FAF1: variants seen among roughly 807,000 people sequenced by gnomAD.
FAF1 encodes the protein FAS-associated factor 1.
In FAF1, 25 loss-of-function variants were observed where a neutral mutation model predicts 92.5. That is an observed-to-expected ratio of 0.27 (90% CI 0.20 to 0.38). FAF1 has a LOEUF of 0.38. Among genes scored for constraint, FAF1 ranks in the 10% least tolerant of loss-of-function variants. The pLI, the probability that FAF1 is intolerant of heterozygous loss-of-function variation, is 1.00. For synonymous variants in FAF1, 234 were observed against 273.2 expected, an observed-to-expected ratio of 0.86 and a Z score of 1.42; for missense variants, 636 against 793.3, an observed-to-expected ratio of 0.80 and a Z score of 2.38.
At chr1:50,700,340 T>C (rs572627760) in intron 7 of FAF1, among the ~76,000 whole-genome samples, 4 of 151,980 alleles carry the variant, frequency 2.6e-5, no homozygotes, top group Non-Finnish European at 4.4e-5. Flanking sequence ...CTCAAATCAT[T>C]TGGAGTCGAA....
chr1:50,884,372 T>C (rs969101074), intron 1 of FAF1, among the ~76,000 whole-genome samples: 17 of 146,036 alleles, frequency 1.2e-4, no homozygotes, highest in African/African-American at 4.3e-4. Flanking sequence ...AAAAAAAAAA[T>C]ACAAAATTAG....
intron 3 of FAF1, among the ~76,000 whole-genome samples, chr1:50,797,489 C>T (rs1661806148): frequency 6.6e-6 from 1 of 151,944 alleles, no homozygotes; most frequent in Non-Finnish European, 1.5e-5. Flanking sequence ...TGGCTTGAAC[C>T]CAGTAGTCTA....
At chr1:50,514,345 C>T (rs1196277323) in intron 15 of FAF1, among the ~76,000 whole-genome samples, 1 of 152,186 alleles carries the variant, frequency 6.6e-6, no homozygotes, top group Non-Finnish European at 1.5e-5. Context: ...CATACATCTG[C>T]ATTATAAGTT....
At chr1:50,760,550 A>G (rs1557514598) in intron 4 of FAF1, among the ~76,000 whole-genome samples, 1 of 152,240 alleles carries the variant, frequency 6.6e-6, no homozygotes, top group African/African-American at 2.4e-5. Flanking sequence ...AAACTGCTCA[A>G]CTACATGGAA....
At chr1:50,761,039 A>G (rs1282350817) in intron 4 of FAF1, among the ~76,000 whole-genome samples, 1 of 152,242 alleles carries the variant, frequency 6.6e-6, no homozygotes, top group Non-Finnish European at 1.5e-5. Context: ...ATAAACTACC[A>G]TCAGAGAATA....
Position 50,596,225 on chromosome 1 carries a change from A to T in FAF1, c.745-9T>A. On this transcript the variant is annotated splice_polypyrimidine_tract_variant and intron_variant, in intron 8 of 18. Transcript: ENST00000396153. ...GATTCAGCAAGACACATCTGCAAAA[A>T]GTAGAATCCATCATTTGTAAACAAA... 6.3e-7 allele frequency: 1 copy of T among 1,592,640 alleles called. No homozygotes were observed. Among genetic ancestry groups the T allele is most frequent in the Non-Finnish European group, 8.6e-7 (1 of 1,163,078 alleles).
At chr1:50,883,320 CA>C in intron 1 of FAF1, among the ~76,000 whole-genome samples, 2 of 152,092 alleles carry the variant, frequency 1.3e-5, no homozygotes, top group East Asian at 3.9e-4. Flanking sequence ...TTTTTATTTG[CA>C]AAATGCTAAA....
intron 1 of FAF1, among the ~76,000 whole-genome samples, chr1:50,953,089 T>C (rs546581792): frequency 2.0e-5 from 3 of 152,336 alleles, no homozygotes; most frequent in Admixed American, 2.0e-4. Context: ...ATCTATAACC[T>C]TACCCCCAAT....
intron 1 of FAF1, among the ~76,000 whole-genome samples, chr1:50,887,810 A>T (rs910415246): frequency 1.3e-5 from 2 of 152,156 alleles, no homozygotes; most frequent in Non-Finnish European, 2.9e-5. Flanking sequence ...GTCAGGTAAC[A>T]TGATGCCTCC....
At chr1:50,724,290 C>CACACACACACAT (rs1553132392) in intron 6 of FAF1, among the ~76,000 whole-genome samples, 3 of 106,124 alleles carry the variant, frequency 2.8e-5, no homozygotes, top group African/African-American at 4.1e-5. Context: ...CACACACACA[C>CACACACACACAT]ACACATACAC....
rs1164033966 is a variant in FAF1, at chr1:50,440,799, C to G, written c.*641G>C. 6.6e-6 allele frequency: 1 copy of G among 152,186 alleles called. No homozygotes were observed. The highest frequency in any genetic ancestry group is 1.9e-4 in the East Asian group (1 of 5,196). The allele number at this position is 152,186 out of a possible 1,614,324, so 9.4% of individuals were successfully genotyped here. Reference sequence around the variant, plus strand: ...CTATGCTGCAATGGAACAGCAAATACCTCCTAGGTAGAACCTGGAGACCCA... The same window carrying G: ...CTATGCTGCAATGGAACAGCAAATAGCTCCTAGGTAGAACCTGGAGACCCA... On this transcript the variant is annotated 3_prime_UTR_variant, in exon 19 of 19. Coordinates refer to ENST00000396153, the MANE Select transcript of FAF1 (RefSeq NM_007051.3).
chr1:50,891,631 C>T (rs757480416), intron 1 of FAF1, among the ~76,000 whole-genome samples: 4 of 152,272 alleles, frequency 2.6e-5, no homozygotes, highest in Non-Finnish European at 4.4e-5. Context: ...CACTCCAGAC[C>T]CTGTATGCCT....
At chr1:50,502,732 T>C (rs918128401) in intron 15 of FAF1, among the ~76,000 whole-genome samples, 1 of 152,222 alleles carries the variant, frequency 6.6e-6, no homozygotes, top group Non-Finnish European at 1.5e-5. Context: ...ATATTCAAGC[T>C]TTCTTAGGTG....
At chr1:50,878,546 G>A (rs967223377) in intron 1 of FAF1, among the ~76,000 whole-genome samples, 4 of 152,086 alleles carry the variant, frequency 2.6e-5, no homozygotes, top group Admixed American at 6.5e-5. Flanking sequence ...TGAAATTAAG[G>A]AATTGAGGCC....
At chr1:50,584,919 A>T (rs1412908352) in intron 9 of FAF1, 108 bp from the exon 10 acceptor site, 2 of 1,004,038 alleles carry the variant, frequency 2.0e-6, no homozygotes, top group Admixed American at 5.4e-5. Context: ...AATTTTTATC[A>T]AATAAACTCA....
intron 6 of FAF1, among the ~76,000 whole-genome samples, chr1:50,728,076 C>T (rs1557496549): frequency 6.6e-6 from 1 of 152,076 alleles, no homozygotes; most frequent in East Asian, 1.9e-4. Context: ...TACATATATC[C>T]TATTAGTTCT....
chr1:50,485,233 T>A (rs1036005049), intron 17 of FAF1, among the ~76,000 whole-genome samples: 3 of 151,908 alleles, frequency 2.0e-5, no homozygotes, highest in Non-Finnish European at 4.4e-5. Flanking sequence ...GTAGCTGGGA[T>A]TACAGGTATG....
intron 1 of FAF1, among the ~76,000 whole-genome samples, chr1:50,913,459 C>T (rs1392394901): frequency 6.6e-6 from 1 of 152,168 alleles, no homozygotes; most frequent in Non-Finnish European, 1.5e-5. Context: ...AAAGCCACAA[C>T]ACCAAAGGGC....
chr1:50,724,732 A>G (rs183652952), intron 6 of FAF1, among the ~76,000 whole-genome samples: 128 of 152,342 alleles, frequency 8.4e-4, no homozygotes, highest in African/African-American at 3.0e-3. Context: ...AAGGTCATAC[A>G]TACCACGTTA....
Sources: gnomAD v4.1 joint callset for allele counts (sites outside exome capture counted in the v4.1 genomes callset) on GRCh38, gnomAD v4.1.1 for gene constraint, MANE v1.5 for transcripts, NCBI Gene and HGNC (gene_info 2026-07-23, HGNC 2026-07-21) for gene names.